ODAD2: variants seen among roughly 807,000 people sequenced by gnomAD.
ODAD2 encodes outer dynein arm-docking complex subunit 2.
In ODAD2, 89 loss-of-function variants were observed where a neutral mutation model predicts 106.8. The ratio of observed to expected loss-of-function variants is 0.83; its 90% CI spans 0.70 to 0.99. The LOEUF (loss-of-function observed/expected upper bound fraction) is 0.99. Ranked by LOEUF, ODAD2 falls within the 50% of genes least tolerant of loss-of-function variation. ODAD2 has a pLI of 0.00. For missense variants in ODAD2, 1,168 were observed against 1,238.5 expected (o/e 0.94, Z 0.85); for synonymous variants, 404 against 436.2 (o/e 0.93, Z 0.92).
Position 27,944,324 on chromosome 10 carries a change from T to C in ODAD2, c.1641A>G (p.Pro547=). The change falls in exon 12 of 20, where the codon CCA becomes CCG. Residue 547 remains proline, a synonymous_variant. Transcript: ENST00000305242. ...LPIMVNILDS[P]HKSLKCLAAE... ...CTGCCAAACATTTTAGACTCTTGTG[T>C]GGAGAATCAAGTATATTCACCATAA... 1 of 1,614,066 alleles carries C rather than the reference T, an allele frequency of 6.2e-7. No individual in the cohort carries two copies. The highest frequency in any genetic ancestry group is 8.5e-7 in the Non-Finnish European group (1 of 1,179,986).
chr10:27,970,775 C>T (rs563238405), intron 8 of ODAD2, among the ~76,000 whole-genome samples: 4 of 152,096 alleles, frequency 2.6e-5, no homozygotes, highest in African/African-American at 9.6e-5. Context: ...ACCAGTCTGG[C>T]CAACATGGTA....
intron 19 of ODAD2, among the ~76,000 whole-genome samples, chr10:27,856,943 G>C (rs2133283020): frequency 6.6e-6 from 1 of 152,242 alleles, no homozygotes; most frequent in Middle Eastern, 3.4e-3. Flanking sequence ...CTCCAGCCTG[G>C]ACGACAAGAC....
intron 19 of ODAD2, among the ~76,000 whole-genome samples, chr10:27,816,246 G>A (rs1346651528): frequency 2.0e-5 from 3 of 152,172 alleles, no homozygotes; most frequent in Non-Finnish European, 4.4e-5. Context: ...TAGAGTAATT[G>A]CCTAAATTGT....
chr10:27,812,812 C>T (rs1220227053), intron 19 of ODAD2, among the ~76,000 whole-genome samples, 187 bp from the exon 20 acceptor site: 1 of 152,186 alleles, frequency 6.6e-6, no homozygotes, highest in African/African-American at 2.4e-5. Flanking sequence ...ATTCCTCATG[C>T]ACTTCTTACC....
intron 19 of ODAD2, among the ~76,000 whole-genome samples, chr10:27,852,215 A>T (rs2133234037): frequency 6.6e-6 from 1 of 152,368 alleles, no homozygotes; most frequent in Non-Finnish European, 1.5e-5. Context: ...ATCAGGAGAA[A>T]ATCTGCATTT....
chr10:27,867,724 C>A (rs971121007), intron 17 of ODAD2, among the ~76,000 whole-genome samples: 2 of 152,084 alleles, frequency 1.3e-5, no homozygotes, highest in African/African-American at 4.8e-5. Context: ...CTGAGGCAGG[C>A]GGATCACTTG....
At chr10:27,886,152 G>A (rs952028359) in intron 17 of ODAD2, among the ~76,000 whole-genome samples, 1 of 150,884 alleles carries the variant, frequency 6.6e-6, no homozygotes, top group African/African-American at 2.4e-5. Context: ...TAAGGAAAGA[G>A]ATAGATATAC....
intron 17 of ODAD2, among the ~76,000 whole-genome samples, chr10:27,865,531 T>C (rs1589857545): frequency 3.9e-5 from 6 of 152,160 alleles, no homozygotes; most frequent in Admixed American, 3.3e-4. Flanking sequence ...TCTTCCATAA[T>C]ACCTGGTTCT....
At position 27,935,183 on chromosome 10, in the gene ODAD2, C is replaced by A. The variant is rs757039976; in HGVS notation, c.2322G>T (p.Val774=). The A allele has an allele frequency of 1.1e-5, 18 of 1,613,892 alleles. No individual in the cohort carries two copies. The highest frequency in any genetic ancestry group is 1.5e-5 in the Non-Finnish European group (18 of 1,179,910). The change falls in exon 16 of 20, where the codon GTG becomes GTT. Residue 774 remains valine (V), a synonymous_variant. Coordinates refer to ENST00000305242, the MANE Select transcript of ODAD2 (RefSeq NM_018076.5). ...LLTDQPEEVL[V]NVVGALGECC... ...ATTCTCCCAAGGCCCCAACCACATT[C>A]ACAAGTACTTCTTCAGGCTGATCTG...
chr10:27,999,362 C>T (rs551801393), upstream of ODAD2, among the ~76,000 whole-genome samples: 4 of 152,076 alleles, frequency 2.6e-5, no homozygotes, highest in East Asian at 7.7e-4. Flanking sequence ...CAGACAAGTG[C>T]GTTGTATGTA....
At chr10:27,816,973 T>C (rs1391406843) in intron 19 of ODAD2, among the ~76,000 whole-genome samples, 1 of 152,114 alleles carries the variant, frequency 6.6e-6, no homozygotes, top group African/African-American at 2.4e-5. Context: ...TGATCTCTAA[T>C]TCCTGACCTC....
At chr10:27,876,082 G>T (rs1360924993) in intron 17 of ODAD2, among the ~76,000 whole-genome samples, 2 of 152,190 alleles carry the variant, frequency 1.3e-5, no homozygotes, top group Non-Finnish European at 2.9e-5. Flanking sequence ...TGCAGCTCAA[G>T]GATGCCTGCC....
intron 19 of ODAD2, among the ~76,000 whole-genome samples, chr10:27,851,939 A>T (rs1000584300): frequency 6.6e-6 from 1 of 152,218 alleles, no homozygotes; most frequent in African/African-American, 2.4e-5. Context: ...ACGCAAAAAG[A>T]TACATGACAT....
At chr10:27,908,926 G>A (rs1470138244) in intron 16 of ODAD2, among the ~76,000 whole-genome samples, 3 of 152,028 alleles carry the variant, frequency 2.0e-5, no homozygotes, top group African/African-American at 4.8e-5. Flanking sequence ...AAAAATACAC[G>A]TAAAAATTAT....
At chr10:27,873,880 T>G (rs2133470595) in intron 17 of ODAD2, among the ~76,000 whole-genome samples, 1 of 152,360 alleles carries the variant, frequency 6.6e-6, no homozygotes, top group Admixed American at 6.5e-5. Flanking sequence ...GTCCACTTGG[T>G]GCAGAGCTGA....
rs148396549 is a variant in ODAD2 at position 27,912,803 on chromosome 10, T to A, written c.2496-5026A>T. Among the ~76,000 whole-genome samples the A allele has an allele frequency of 1.4e-4, 22 of 152,182 alleles. No individual in the cohort carries two copies. In the East Asian group the frequency reaches 4.1e-3, roughly 28 times the overall value. On this transcript the variant is annotated intron_variant, in intron 16 of 19. Transcript: ENST00000305242. ...ACAAGTTTTGAAACCAAGTTGGCAA[T>A]TCAGTAAAATGGGAAACATAAATGT... is the stretch of plus-strand genomic sequence containing the variant.
chr10:27,882,087 T>C (rs1300484802), intron 17 of ODAD2, among the ~76,000 whole-genome samples: 1 of 151,766 alleles, frequency 6.6e-6, no homozygotes, highest in African/African-American at 2.4e-5. Context: ...GAGGATCACT[T>C]GAGCCCAGGA....
At chr10:27,947,438 A>G (rs561218493) in intron 10 of ODAD2, among the ~76,000 whole-genome samples, 17 of 152,174 alleles carry the variant, frequency 1.1e-4, no homozygotes, top group Non-Finnish European at 2.9e-5. Flanking sequence ...ACTCTCCAGC[A>G]TGGGCAACAG....
intron 19 of ODAD2, among the ~76,000 whole-genome samples, chr10:27,818,589 A>C (rs1245353798): frequency 6.6e-6 from 1 of 152,154 alleles, no homozygotes; most frequent in Non-Finnish European, 1.5e-5. Context: ...TAAGAGCTTG[A>C]TTTCCATACG....
Sources: allele counts gnomAD v4.1 joint callset (sites outside exome capture counted in the v4.1 genomes callset), GRCh38; gene constraint gnomAD v4.1.1; transcripts MANE v1.5; gene names NCBI Gene and HGNC (gene_info 2026-07-23, HGNC 2026-07-21).